PALM2AKAP2: variants seen among roughly 807,000 people sequenced by gnomAD.
The protein encoded by PALM2AKAP2 is PALM2 and AKAP2 fusion, also known as PALM2-AKAP2 fusion protein.
Under a neutral mutation model 71.5 loss-of-function variants are expected in PALM2AKAP2, and 37 were observed. The ratio of observed to expected loss-of-function variants is 0.52; its 90% CI spans 0.40 to 0.68. The LOEUF (loss-of-function observed/expected upper bound fraction) is 0.68, where lower values mean the gene tolerates loss of function less well. Ranked by LOEUF, PALM2AKAP2 falls within the 30% of genes least tolerant of loss-of-function variation. The probability of loss-of-function intolerance (pLI) is 0.00; values close to 1 mark genes in which losing one functional copy is unlikely to be tolerated. For missense variants in PALM2AKAP2, 1,224 were observed against 1,191.8 expected (o/e 1.03, Z -0.40); for synonymous variants, 468 against 478.8 (o/e 0.98, Z 0.29).
chr9:109,761,341 G>T (rs183805004), intron 1 of PALM2AKAP2, among the ~76,000 whole-genome samples: 24 of 152,166 alleles, frequency 1.6e-4, no homozygotes, highest in Admixed American at 9.2e-4. Flanking sequence ...TTGTTGTAAT[G>T]TCTGAAACAA....
chr9:110,092,446 G>A (rs1247162677), intron 1 of PALM2AKAP2, among the ~76,000 whole-genome samples: 1 of 152,174 alleles, frequency 6.6e-6, no homozygotes, highest in Non-Finnish European at 1.5e-5. Flanking sequence ...GTAGAACTGT[G>A]TAATGTATTA....
At chr9:109,730,409 G>A (rs963473592) in intron 1 of PALM2AKAP2, among the ~76,000 whole-genome samples, 4 of 152,206 alleles carry the variant, frequency 2.6e-5, no homozygotes, top group African/African-American at 9.7e-5. Flanking sequence ...TCTAGAAGTT[G>A]GCAGGGTCCT....
intron 1 of PALM2AKAP2, among the ~76,000 whole-genome samples, chr9:109,844,931 A>ATGTGTGTGTGTGTGTGTGTGTGTGTG (rs71373945): frequency 2.3e-4 from 35 of 149,410 alleles, no homozygotes; most frequent in Admixed American, 1.6e-3. Context: ...CCAGAAAATG[A>ATGTGTGTGTGTGTGTGTGTGTGTGTG]TGTGTGTGTG....
chr9:110,016,696 T>A (rs773941395), intron 7 of PALM2AKAP2, among the ~76,000 whole-genome samples: 3 of 152,190 alleles, frequency 2.0e-5, no homozygotes, highest in Non-Finnish European at 2.9e-5. Flanking sequence ...TGTTACGGGA[T>A]TAAACACAAA....
In PALM2AKAP2 at chr9:109,838,672, G is replaced by A. The variant is rs200438822; in HGVS notation, c.46-28819G>A. 2.0e-4 allele frequency among the ~76,000 whole-genome samples: 30 copies of A among 152,068 alleles called. No homozygotes were observed. In the East Asian group the frequency reaches 3.7e-3, roughly 19 times the overall value. On this transcript the variant is annotated intron_variant, in intron 1 of 9. Coordinates refer to the PALM2AKAP2 transcript ENST00000302798. Reference sequence around the variant, plus strand: ...GAAAAGAGAGAAGAATCAAATAGACGCAACAAAATTGATAAAGGGGATGTC... The same window carrying A: ...GAAAAGAGAGAAGAATCAAATAGACACAACAAAATTGATAAAGGGGATGTC...
At chr9:110,114,881 G>A (rs1835330208) in intron 1 of PALM2AKAP2, among the ~76,000 whole-genome samples, 1 of 152,126 alleles carries the variant, frequency 6.6e-6, no homozygotes, top group Admixed American at 6.5e-5. Flanking sequence ...TTCCACAGTC[G>A]GGCAGAGAGA....
intron 6 of PALM2AKAP2, among the ~76,000 whole-genome samples, chr9:109,970,742 T>C (rs1832050211): frequency 6.6e-6 from 1 of 152,198 alleles, no homozygotes; most frequent in South Asian, 2.1e-4. Flanking sequence ...AGGGTTTTTG[T>C]AAAGACTGAA....
At chr9:109,659,667 A>G (rs1827360808) in intron 1 of PALM2AKAP2, among the ~76,000 whole-genome samples, 1 of 152,152 alleles carries the variant, frequency 6.6e-6, no homozygotes, top group African/African-American at 2.4e-5. Context: ...CTTTGCAAAG[A>G]TGTGAGTCAG....
At chr9:110,161,484 C>T (rs1393218851) in intron 3 of PALM2AKAP2, among the ~76,000 whole-genome samples, 1 of 152,106 alleles carries the variant, frequency 6.6e-6, no homozygotes, top group African/African-American at 2.4e-5. Flanking sequence ...TACTAATAAT[C>T]CTATATAATC....
chr9:109,696,101 A>G (rs991631490), intron 1 of PALM2AKAP2, among the ~76,000 whole-genome samples: 1 of 152,242 alleles, frequency 6.6e-6, no homozygotes, highest in Non-Finnish European at 1.5e-5. Context: ...CACATTGCAT[A>G]AATGTATCAA....
chr9:110,127,122 A>C (rs540116295), intron 1 of PALM2AKAP2, among the ~76,000 whole-genome samples: 6 of 152,328 alleles, frequency 3.9e-5, no homozygotes, highest in African/African-American at 9.6e-5. Flanking sequence ...AGCTCTCAGA[A>C]AAAAAGGCTG....
At chr9:110,051,722 T>C (rs1468548308) in intron 1 of PALM2AKAP2, among the ~76,000 whole-genome samples, 2 of 152,208 alleles carry the variant, frequency 1.3e-5, no homozygotes, top group Admixed American at 1.3e-4. Flanking sequence ...TCAACGCCAG[T>C]AGAATTGATG....
rs1038360615 is a variant in PALM2AKAP2 at position 109,640,928 on chromosome 9, C to A, written c.5+62C>A. 9 of 1,471,704 alleles carry A rather than the reference C, an allele frequency of 6.1e-6. No homozygotes were observed. The African/African-American group carries it at 1.3e-4, about 21-fold the overall frequency. The allele number at this position is 1,471,704 out of a possible 1,614,324, so 91.2% of individuals were successfully genotyped here. On this transcript the variant is annotated intron_variant, in intron 1 of 6. Transcript: ENST00000374531. Reference sequence around the variant, plus strand: ...TCTCGGCATGTTGCCATGGTGACCGCGGCGGCAGGCAGATCCCGCTCGGGT... The same window carrying A: ...TCTCGGCATGTTGCCATGGTGACCGAGGCGGCAGGCAGATCCCGCTCGGGT...
chr9:109,989,121 C>G (rs765768717), intron 6 of PALM2AKAP2, among the ~76,000 whole-genome samples: 23 of 152,200 alleles, frequency 1.5e-4, no homozygotes, highest in Non-Finnish European at 3.1e-4. Flanking sequence ...CAGACTAATA[C>G]AGATGTGTTG....
chr9:110,041,645 C>A (rs1833514136), intron 7 of PALM2AKAP2, among the ~76,000 whole-genome samples: 1 of 152,148 alleles, frequency 6.6e-6, no homozygotes, highest in African/African-American at 2.4e-5. Context: ...AAGCCAGAGA[C>A]CCTGGAGAGG....
chr9:109,843,598 T>G (rs967766771), intron 1 of PALM2AKAP2, among the ~76,000 whole-genome samples: 1 of 152,208 alleles, frequency 6.6e-6, no homozygotes. Flanking sequence ...AAGACCACTC[T>G]GCATAATAAA....
At chr9:109,952,808 A>G (rs1030282044) in intron 6 of PALM2AKAP2, among the ~76,000 whole-genome samples, 1 of 152,262 alleles carries the variant, frequency 6.6e-6, no homozygotes, top group African/African-American at 2.4e-5. Flanking sequence ...CCACAGTTCT[A>G]GAGCATACCA....
At chr9:110,046,742 A>T (rs1833604797), upstream of PALM2AKAP2, among the ~76,000 whole-genome samples, 1 of 152,210 alleles carries the variant, frequency 6.6e-6, no homozygotes, top group Non-Finnish European at 1.5e-5. Flanking sequence ...TGCTGGGATT[A>T]CAGGCGTGAG....
intron 1 of PALM2AKAP2, among the ~76,000 whole-genome samples, chr9:109,685,051 A>T (rs1827789217): frequency 6.6e-6 from 1 of 152,216 alleles, no homozygotes; most frequent in Admixed American, 6.5e-5. Flanking sequence ...GATCTCAAAG[A>T]TTACAGTCTA....
Sources: allele counts gnomAD v4.1 joint callset (sites outside exome capture counted in the v4.1 genomes callset), GRCh38; gene constraint gnomAD v4.1.1; transcripts MANE v1.5; gene names NCBI Gene and HGNC (gene_info 2026-07-23, HGNC 2026-07-21).